IL1RAPL1: variants seen among roughly 807,000 people sequenced by gnomAD.
IL1RAPL1 encodes interleukin 1 receptor accessory protein like 1, also known as interleukin-1 receptor accessory protein-like 1.
Under a neutral mutation model 48.4 loss-of-function variants are expected in IL1RAPL1, and 3 were observed. The observed-to-expected ratio is 0.06, with a 90% confidence interval of 0.03 to 0.16. The LOEUF (loss-of-function observed/expected upper bound fraction) is 0.16. Ranked by LOEUF, IL1RAPL1 falls within the 10% of genes least tolerant of loss-of-function variation. The pLI is 1.00. For missense variants in IL1RAPL1, 349 were observed against 530.6 expected (o/e 0.66, Z 3.36); for synonymous variants, 185 against 187.7 (o/e 0.99, Z 0.12).
chrX:29,359,630 G>T (rs1933350715), intron 3 of IL1RAPL1, among the ~76,000 whole-genome samples: 1 of 111,809 alleles, frequency 8.9e-6, no homozygotes, highest in Non-Finnish European at 1.9e-5. Flanking sequence ...ATGATATATA[G>T]CTATCCTCCC....
In IL1RAPL1 at chrX:28,898,558, T is replaced by C. The variant is rs188511122; in HGVS notation, c.82+109133T>C. ...TCAAACTCCTGGGCTCAAGCAGTCC[T>C]ACCGCCTCTGCCTCCCTATGTGCCT... On this transcript the variant is annotated intron_variant, in intron 2 of 10. Transcript: ENST00000378993. Among the ~76,000 whole-genome samples the C allele has an allele frequency of 2.5e-4, 28 of 111,276 alleles. No individual in the cohort carries two copies. The East Asian group carries it at 7.1e-3, about 28-fold the overall frequency.
chrX:28,754,580 A>C (rs1412597099), intron 1 of IL1RAPL1, among the ~76,000 whole-genome samples: 3 of 112,320 alleles, frequency 2.7e-5, no homozygotes, highest in Admixed American at 9.5e-5. Context: ...ACATAAATCT[A>C]TTAATTCTGG....
chrX:28,986,751 T>C (rs766693061), intron 2 of IL1RAPL1, among the ~76,000 whole-genome samples: 9 of 112,487 alleles, frequency 8.0e-5, no homozygotes, highest in African/African-American at 2.9e-4. Flanking sequence ...CGTTTTTCTT[T>C]AGAAATTTAC....
intron 6 of IL1RAPL1, among the ~76,000 whole-genome samples, chrX:29,696,513 G>A (rs1363208187): frequency 8.9e-6 from 1 of 111,882 alleles, no homozygotes; most frequent in African/African-American, 3.2e-5. Context: ...CGGCAGACAG[G>A]TAGAATAAAT....
At position 29,906,351 on chromosome X, in the gene IL1RAPL1, A is replaced by T. The variant is rs770985619; in HGVS notation, c.779-11113A>T. On this transcript the variant is annotated intron_variant, in intron 6 of 10. Transcript: ENST00000378993. ...CTCTGTCTCAAAAAAACAAACAAAC[A>T]ACAAAAAAAAAAACATAAAAAAGCA... is the stretch of plus-strand genomic sequence containing the variant. Among the ~76,000 whole-genome samples, 221 of 92,262 alleles carry T rather than the reference A, an allele frequency of 2.4e-3. 1 individual carries two copies. Among genetic ancestry groups the T allele is most frequent in the African/African-American group, 9.3e-3 (205 of 21,982 alleles). The allele number at this position is 92,262 out of a possible 115,157, so 80.1% of individuals were successfully genotyped here.
At chrX:29,269,090 T>C (rs1471261904) in intron 2 of IL1RAPL1, among the ~76,000 whole-genome samples, 1 of 112,271 alleles carries the variant, frequency 8.9e-6, no homozygotes, top group African/African-American at 3.2e-5. Flanking sequence ...TAAAGCTATT[T>C]ATTAACCATA....
At chrX:29,165,944 C>T (rs1409220208) in intron 2 of IL1RAPL1, among the ~76,000 whole-genome samples, 3 of 112,069 alleles carry the variant, frequency 2.7e-5, no homozygotes, top group Non-Finnish European at 5.6e-5. Flanking sequence ...TCCAAAAGAC[C>T]GAATTTCTAG....
chrX:28,949,357 A>AT (rs1239963101), intron 2 of IL1RAPL1, among the ~76,000 whole-genome samples: 1 of 110,411 alleles, frequency 9.1e-6, no homozygotes, highest in African/African-American at 3.3e-5. Context: ...AAGTGTTTAT[A>AT]TATTGTCAAC....
intron 6 of IL1RAPL1, among the ~76,000 whole-genome samples, chrX:29,709,998 T>G (rs1249368366): frequency 1.8e-5 from 2 of 112,181 alleles, no homozygotes; most frequent in African/African-American, 3.2e-5. Context: ...GATTTTTGTA[T>G]GTTGACTTTA....
Position 29,240,860 on chromosome X carries a change from A to G in IL1RAPL1, c.83-42078A>G, listed in dbSNP as rs1221821178. ...ATTCCAGAATGATACTCCAGATTTTAAAAAGAGTAAAGGCAAAAAATTGCT... is the reference window on the plus strand; with the variant it reads ...ATTCCAGAATGATACTCCAGATTTTGAAAAGAGTAAAGGCAAAAAATTGCT... On this transcript the variant is annotated intron_variant, in intron 2 of 10. Coordinates refer to ENST00000378993, the MANE Select transcript of IL1RAPL1 (RefSeq NM_014271.4). Among the ~76,000 whole-genome samples, 3 of 112,355 alleles carry G rather than the reference A, an allele frequency of 2.7e-5. No homozygotes were observed. In the Admixed American group the frequency reaches 2.8e-4, roughly 11 times the overall value.
rs1396350934 is a variant in IL1RAPL1, at chrX:29,065,798, C to T, written c.83-217140C>T. The stretch of plus-strand genomic sequence containing the variant: ...TCTTTCTTCTGTCATTTCAAACCTA[C>T]TCTTGAGCCCTTCTAGCAAATTGTT... On this transcript the variant is annotated intron_variant, in intron 2 of 10. Transcript: ENST00000378993. Among the ~76,000 whole-genome samples, 7 of 111,782 alleles carry T rather than the reference C, an allele frequency of 6.3e-5. No individual in the cohort carries two copies. The Admixed American group carries it at 6.7e-4, about 11-fold the overall frequency.
intron 5 of IL1RAPL1, among the ~76,000 whole-genome samples, chrX:29,452,488 G>A (rs918699961): frequency 2.7e-5 from 3 of 111,704 alleles, no homozygotes; most frequent in Non-Finnish European, 5.6e-5. Context: ...TTAGGGAGGG[G>A]ATTTTGTGAC....
intron 1 of IL1RAPL1, among the ~76,000 whole-genome samples, chrX:28,762,786 G>GCGCGCACACACACACACACA (rs1366464632): frequency 7.5e-4 from 47 of 62,955 alleles, no homozygotes; most frequent in African/African-American, 2.8e-3. Context: ...GCACGCGCGC[G>GCGCGCACACACACACACACA]CACACACACA....
At chrX:29,717,361 C>A (rs998682242) in intron 6 of IL1RAPL1, among the ~76,000 whole-genome samples, 1 of 111,738 alleles carries the variant, frequency 8.9e-6, no homozygotes, top group African/African-American at 3.3e-5. Flanking sequence ...ACAATCTTCC[C>A]TCTGAAATGC....
At chrX:28,766,210 G>T (rs1216036457) in intron 1 of IL1RAPL1, among the ~76,000 whole-genome samples, 1 of 110,921 alleles carries the variant, frequency 9.0e-6, no homozygotes, top group Non-Finnish European at 1.9e-5. Context: ...AACATAAAGA[G>T]AAAAGGGATT....
At chrX:29,230,558 A>G (rs1312812652) in intron 2 of IL1RAPL1, among the ~76,000 whole-genome samples, 2 of 92,392 alleles carry the variant, frequency 2.2e-5, no homozygotes, top group Non-Finnish European at 4.2e-5. Context: ...TCAGGCAACC[A>G]GCGCTTTTTG....
intron 1 of IL1RAPL1, among the ~76,000 whole-genome samples, chrX:28,764,065 G>A (rs1277513293): frequency 9.0e-6 from 1 of 111,370 alleles, no homozygotes; most frequent in South Asian, 3.7e-4. Flanking sequence ...AATAATTTAT[G>A]TCAATTTAAA....
intron 2 of IL1RAPL1, among the ~76,000 whole-genome samples, chrX:28,840,139 G>A (rs999956542): frequency 2.7e-5 from 3 of 110,128 alleles, no homozygotes; most frequent in African/African-American, 9.9e-5. Context: ...ACTTTATATA[G>A]GAGTAAATAT....
intron 3 of IL1RAPL1, among the ~76,000 whole-genome samples, chrX:29,337,732 T>G (rs1238197114): frequency 1.8e-5 from 2 of 111,649 alleles, no homozygotes; most frequent in Non-Finnish European, 3.8e-5. Flanking sequence ...TGGAGTGCAG[T>G]GGCTTGATCT....
Sources: allele counts gnomAD v4.1 joint callset (sites outside exome capture counted in the v4.1 genomes callset), GRCh38; gene constraint gnomAD v4.1.1; transcripts MANE v1.5; gene names NCBI Gene and HGNC (gene_info 2026-07-23, HGNC 2026-07-21).